SYT6: variants seen among roughly 807,000 people sequenced by gnomAD.
SYT6 encodes synaptotagmin-6.
In SYT6, 24 loss-of-function variants were observed where a neutral mutation model predicts 38.4. The observed-to-expected ratio is 0.62, with a 90% CI of 0.45 to 0.88. SYT6 has a LOEUF of 0.88. Ranked by LOEUF, SYT6 falls within the 40% of genes least tolerant of loss-of-function variation. The probability of loss-of-function intolerance (pLI) is 0.00; values close to 1 mark genes in which losing one functional copy is unlikely to be tolerated. For missense variants in SYT6, 611 were observed against 621.0 expected (o/e 0.98, Z 0.17); for synonymous variants, 265 against 241.9 (o/e 1.10, Z -0.89).
At chr1:114,103,066 G>A (rs1205663675) in intron 4 of SYT6, among the ~76,000 whole-genome samples, 1 of 152,194 alleles carries the variant, frequency 6.6e-6, no homozygotes, top group African/African-American at 2.4e-5. Context: ...CTGAGGCCAG[G>A]AGGCCTGCAG....
At chr1:114,137,401 C>T (rs913181534) in intron 3 of SYT6, 94 bp downstream of exon 3, 1 of 1,421,320 alleles carries the variant, frequency 7.0e-7, no homozygotes, top group African/African-American at 1.4e-5. Context: ...TGGCAAAGGC[C>T]CATTTGTCTC....
intron 3 of SYT6, among the ~76,000 whole-genome samples, chr1:114,121,743 T>C (rs997591388): frequency 2.6e-5 from 4 of 152,236 alleles, no homozygotes; most frequent in African/African-American, 7.2e-5. Flanking sequence ...TTTCCCCATC[T>C]ATAAAATGGA....
intron 3 of SYT6, among the ~76,000 whole-genome samples, chr1:114,135,166 A>G (rs1419293661): frequency 6.6e-6 from 1 of 151,886 alleles, no homozygotes; most frequent in African/African-American, 2.4e-5. Context: ...GCAGCTTGGG[A>G]AACTCCTGCA....
At chr1:114,129,563 CT>C (rs11349364) in intron 3 of SYT6, among the ~76,000 whole-genome samples, 17,395 of 120,204 alleles carry the variant, frequency 0.14, 1,331 homozygotes, top group East Asian at 0.21. Flanking sequence ...TTTTTTCTTT[CT>C]TTTCTTTCTT....
chr1:114,130,909 C>A (rs1304889092), intron 3 of SYT6, among the ~76,000 whole-genome samples: 1 of 152,172 alleles, frequency 6.6e-6, no homozygotes, highest in Admixed American at 6.5e-5. Flanking sequence ...GAGGCTTCAC[C>A]CCCGGGTGAT....
At position 114,137,569 on chromosome 1, in the gene SYT6, G is replaced by A; in HGVS notation, c.997C>T (p.Leu333=). ...SRHDMIGEVI[L]DNLFEASDLS... ...TCAGAGGCCTCAAAGAGGTTGTCCA[G>A]GATGACCTCGCCAATCATGTCATGG... Residue 333 remains leucine, a synonymous_variant, in exon 3 of 8, where the codon CTG becomes TTG. Coordinates refer to ENST00000610222, the MANE Select transcript of SYT6 (RefSeq NM_001253772.2). The A allele has an allele frequency of 6.2e-7, 1 of 1,614,218 alleles. No individual in the cohort carries two copies. Among genetic ancestry groups the A allele is most frequent in the Non-Finnish European group, 8.5e-7 (1 of 1,180,034 alleles).
intron 3 of SYT6, among the ~76,000 whole-genome samples, chr1:114,128,786 C>T (rs1046151980): frequency 6.6e-6 from 1 of 152,206 alleles, no homozygotes; most frequent in African/African-American, 2.4e-5. Context: ...CTGTTAGTCT[C>T]CTTTGCTGGG....
intron 3 of SYT6, among the ~76,000 whole-genome samples, chr1:114,106,849 G>T (rs1295002384): frequency 2.0e-5 from 3 of 152,138 alleles, no homozygotes; most frequent in Non-Finnish European, 4.4e-5. Flanking sequence ...GTGCCCCCCA[G>T]CATCTAGTGA....
chr1:114,098,887 C>G (rs1675803240), intron 5 of SYT6, among the ~76,000 whole-genome samples: 1 of 152,154 alleles, frequency 6.6e-6, no homozygotes, highest in Non-Finnish European at 1.5e-5. Flanking sequence ...CGGAGATAGG[C>G]CAGTTGGGAA....
chr1:114,110,667 G>A (rs35380803), intron 3 of SYT6, among the ~76,000 whole-genome samples: 25,135 of 152,144 alleles, frequency 0.17, 2,483 homozygotes, highest in East Asian at 0.47. Context: ...ATGGGTGGCA[G>A]GGGCCGGGAG....
At chr1:114,120,120 A>G (rs1677302176) in intron 3 of SYT6, among the ~76,000 whole-genome samples, 1 of 152,170 alleles carries the variant, frequency 6.6e-6, no homozygotes, top group African/African-American at 2.4e-5. Flanking sequence ...ATTTGTCAAA[A>G]CAAATTTGTG....
chr1:114,103,769 G>A lies in SYT6; in HGVS notation c.1072-48C>T, dbSNP rs778917424. ...GCAGATGAGGGGCTTGCAGACCATGGGCCTCATGTCCAGTGCAGTATCTGC... is the reference window on the plus strand; with the variant it reads ...GCAGATGAGGGGCTTGCAGACCATGAGCCTCATGTCCAGTGCAGTATCTGC... On this transcript the variant is annotated intron_variant, in intron 3 of 7. Coordinates refer to ENST00000610222, the MANE Select transcript of SYT6 (RefSeq NM_001253772.2). 1.2e-5 allele frequency: 19 copies of A among 1,592,150 alleles called. No individual in the cohort carries two copies. In the Middle Eastern group the frequency reaches 7.5e-4, roughly 63 times the overall value.
chr1:114,103,520 A>G, intron 4 of SYT6, 81 bp downstream of exon 4: 2 of 1,570,316 alleles, frequency 1.3e-6, no homozygotes, highest in Admixed American at 1.8e-5. Flanking sequence ...AATGCTGACA[A>G]TTCTTTCTCC....
At position 114,097,718 on chromosome 1, in the gene SYT6, C is replaced by T. The variant is rs763192471; in HGVS notation, c.1515+9G>A. The T allele has an allele frequency of 6.2e-7, 1 of 1,613,654 alleles. No individual in the cohort carries two copies. The highest frequency in any genetic ancestry group is 1.1e-5 in the South Asian group (1 of 91,036). On this transcript the variant is annotated intron_variant, in intron 6 of 7. Transcript: ENST00000610222. ...GCAAACATGCCAAGGGCCAGGTGAC[C>T]TCACCCACCTCTTTGAAGGATTTCT...
At chr1:114,107,149 G>C (rs996942920) in intron 3 of SYT6, among the ~76,000 whole-genome samples, 1 of 152,164 alleles carries the variant, frequency 6.6e-6, no homozygotes, top group Admixed American at 6.5e-5. Context: ...GCTTTCACAG[G>C]CTGTCTCTTT....
chr1:114,141,326 T>C (rs939100893), intron 1 of SYT6, among the ~76,000 whole-genome samples: 29 of 152,348 alleles, frequency 1.9e-4, no homozygotes, highest in African/African-American at 5.8e-4. Flanking sequence ...AACAGTCTTA[T>C]TGCTGATGTG....
chr1:114,123,505 G>A (rs11102736), intron 3 of SYT6, among the ~76,000 whole-genome samples: 60,418 of 152,056 alleles, frequency 0.4, 12,250 homozygotes, highest in East Asian at 0.57. Context: ...CAAACAAAGT[G>A]CAAAGCCTTT....
At chr1:114,114,620 C>CA (rs1288978283) in intron 3 of SYT6, among the ~76,000 whole-genome samples, 1 of 152,182 alleles carries the variant, frequency 6.6e-6, no homozygotes, top group Non-Finnish European at 1.5e-5. Flanking sequence ...GAGCTGCGCC[C>CA]AAGATCTACT....
chr1:114,136,794 C>T (rs1013723096), intron 3 of SYT6, among the ~76,000 whole-genome samples: 2 of 152,204 alleles, frequency 1.3e-5, no homozygotes, highest in South Asian at 2.1e-4. Context: ...TGTCGTCATT[C>T]GTGCTGTTCA....
Sources: gnomAD v4.1 joint callset for allele counts (sites outside exome capture counted in the v4.1 genomes callset) on GRCh38, gnomAD v4.1.1 for gene constraint, MANE v1.5 for transcripts, NCBI Gene and HGNC (gene_info 2026-07-23, HGNC 2026-07-21) for gene names.